The following RBL1 variants were observed in gnomAD, a reference collection of about 807,000 sequenced individuals.
RBL1 encodes RB transcriptional corepressor like 1, also known as retinoblastoma-like protein 1.
A neutral mutation model predicts 123.0 loss-of-function variants in RBL1; 82 were observed. The observed-to-expected ratio is 0.67, with a 90% CI of 0.56 to 0.80. The LOEUF (loss-of-function observed/expected upper bound fraction) is 0.80, where lower values mean the gene tolerates loss of function less well. RBL1 is among the 30% of genes least tolerant of loss of function. RBL1 has a pLI of 0.00. For missense variants in RBL1, 1,171 were observed against 1,299.6 expected (o/e 0.90, Z 1.52); for synonymous variants, 405 against 441.3 (o/e 0.92, Z 1.03).
intron 9 of RBL1, among the ~76,000 whole-genome samples, chr20:37,060,551 G>A (rs1311673953): frequency 4.6e-5 from 7 of 152,038 alleles, no homozygotes; most frequent in African/African-American, 1.7e-4. Context: ...TTGGAAGGCC[G>A]AGGCAGTTGG....
chr20:37,030,267 C>T (rs1399138928), intron 16 of RBL1, among the ~76,000 whole-genome samples: 2 of 152,094 alleles, frequency 1.3e-5, no homozygotes, highest in Non-Finnish European at 2.9e-5. Context: ...GAATAGAGAG[C>T]CCAGAATTAA....
At chr20:37,022,896 A>G in intron 16 of RBL1, 70 bp from the exon 17 acceptor site, 1 of 1,261,142 alleles carries the variant, frequency 7.9e-7, no homozygotes, top group Non-Finnish European at 1.1e-6. Flanking sequence ...ATGTCTTACC[A>G]AGACCAAGAT....
intron 21 of RBL1, among the ~76,000 whole-genome samples, chr20:37,002,181 C>T (rs1037084633): frequency 6.6e-6 from 1 of 151,538 alleles, no homozygotes; most frequent in African/African-American, 2.4e-5. Context: ...AGGCACATGC[C>T]ACCATGCCTG....
chr20:37,034,528 G>GA (rs1334562787), intron 15 of RBL1, among the ~76,000 whole-genome samples: 1 of 151,666 alleles, frequency 6.6e-6, no homozygotes, highest in East Asian at 1.9e-4. Context: ...ACCACAAATA[G>GA]AAAAAATTAG....
At chr20:37,051,545 T>C (rs1280361263) in intron 11 of RBL1, among the ~76,000 whole-genome samples, 1 of 152,100 alleles carries the variant, frequency 6.6e-6, no homozygotes, top group East Asian at 1.9e-4. Context: ...TAAAATAAAG[T>C]TACTTATGCA....
intron 17 of RBL1, among the ~76,000 whole-genome samples, chr20:37,021,335 G>A (rs576194670): frequency 6.6e-6 from 1 of 152,284 alleles, no homozygotes; most frequent in Non-Finnish European, 1.5e-5. Flanking sequence ...CTGTCCATTA[G>A]TGCTAAACCT....
chr20:37,022,799 G>A lies in RBL1; in HGVS notation c.2410C>T (p.Arg804Cys), dbSNP rs778066003. Residue 804 changes from arginine to cysteine, a missense_variant, in exon 17 of 22, where the codon CGT becomes TGT. Arg to Cys is a radical substitution (Grantham distance 180). Transcript: ENST00000373664. ...KVYHLASVRL[R>C]DLCLKLDVSN... ...ACATCCAGTTTTAGACATAGATCAC[G>A]TAAGCGTACACTTGCCAAATGATAG... 7 of 1,612,454 alleles carry A rather than the reference G, an allele frequency of 4.3e-6. No individual in the cohort carries two copies. Among genetic ancestry groups the A allele is most frequent in the South Asian group, 3.3e-5 (3 of 90,960 alleles).
intron 19 of RBL1, 64 bp from the exon 20 acceptor site, chr20:37,007,623 C>CAAAA: frequency 1.3e-6 from 2 of 1,530,476 alleles, no homozygotes; most frequent in Non-Finnish European, 1.8e-6. Context: ...GACAGGGTCT[C>CAAAA]ACTTTGTCAC....
At chr20:37,050,074 AAAG>A (rs2064883436) in intron 11 of RBL1, among the ~76,000 whole-genome samples, 1 of 151,980 alleles carries the variant, frequency 6.6e-6, no homozygotes, top group Non-Finnish European at 1.5e-5. Context: ...AAAAAAAAAA[AAAG>A]AGAGAGAGAG....
At chr20:37,077,080 G>C (rs1250502249) in intron 2 of RBL1, among the ~76,000 whole-genome samples, 1 of 152,014 alleles carries the variant, frequency 6.6e-6, no homozygotes, top group Non-Finnish European at 1.5e-5. Context: ...GGGACTACAG[G>C]CGCCTGCCAC....
chr20:37,055,327 A>C (rs973643114), intron 11 of RBL1, among the ~76,000 whole-genome samples: 14 of 152,022 alleles, frequency 9.2e-5, no homozygotes, highest in South Asian at 4.1e-4. Context: ...AAAAAAAAAA[A>C]AAAACACTTA....
intron 19 of RBL1, among the ~76,000 whole-genome samples, chr20:37,010,131 G>A (rs1436504010): frequency 6.6e-6 from 1 of 152,002 alleles, no homozygotes; most frequent in Non-Finnish European, 1.5e-5. Context: ...GCTGAGGTGG[G>A]AGGATCACTT....
At chr20:37,091,247 A>G (rs2065641047) in intron 1 of RBL1, among the ~76,000 whole-genome samples, 1 of 152,064 alleles carries the variant, frequency 6.6e-6, no homozygotes, top group African/African-American at 2.4e-5. Context: ...AATCCCAGCT[A>G]CTTGGGAGGC....
chr20:37,072,462 A>G (rs1016175720), intron 2 of RBL1, among the ~76,000 whole-genome samples: 2 of 152,048 alleles, frequency 1.3e-5, no homozygotes, highest in Non-Finnish European at 2.9e-5. Flanking sequence ...AGATCGCACC[A>G]TTGCACTCCA....
chr20:37,046,142 G>C (rs1036506749), intron 12 of RBL1, among the ~76,000 whole-genome samples: 3 of 152,146 alleles, frequency 2.0e-5, no homozygotes, highest in African/African-American at 7.2e-5. Context: ...GCTCAAACTT[G>C]GGGAAGAAGC....
chr20:37,037,561 AAAG>A (rs1414385880), intron 14 of RBL1, among the ~76,000 whole-genome samples: 5 of 152,180 alleles, frequency 3.3e-5, no homozygotes, highest in South Asian at 2.1e-4. Context: ...TAACTGACAG[AAAG>A]AAGAGCCTTT....
intron 2 of RBL1, 122 bp from the exon 3 acceptor site, chr20:37,068,308 T>C (rs763689211): frequency 1.7e-4 from 237 of 1,356,016 alleles, no homozygotes; most frequent in Admixed American, 3.1e-4. Context: ...CCAGGCAACA[T>C]AGTTAAGACC....
intron 16 of RBL1, among the ~76,000 whole-genome samples, chr20:37,030,185 C>T (rs1568838006): frequency 6.6e-6 from 1 of 152,140 alleles, no homozygotes; most frequent in Non-Finnish European, 1.5e-5. Flanking sequence ...GATTTTAAAA[C>T]TTATGACACA....
chr20:37,007,060 A>G (rs1441746811), intron 20 of RBL1, among the ~76,000 whole-genome samples: 1 of 152,050 alleles, frequency 6.6e-6, no homozygotes, highest in Non-Finnish European at 1.5e-5. Context: ...CAGCCTGGCC[A>G]ACATGGTGAA....
Sources: gnomAD v4.1 joint callset for allele counts (sites outside exome capture counted in the v4.1 genomes callset) on GRCh38, gnomAD v4.1.1 for gene constraint, MANE v1.5 for transcripts, NCBI Gene and HGNC (gene_info 2026-07-23, HGNC 2026-07-21) for gene names.